WDR27: variants seen among roughly 807,000 people sequenced by gnomAD.
The protein encoded by WDR27 is WD repeat-containing protein 27.
WDR27 carries 100 observed loss-of-function variants against 114.4 expected under a neutral mutation model. That is an observed-to-expected ratio of 0.87 (90% CI 0.74 to 1.03). WDR27 has a LOEUF of 1.03. Among genes scored for constraint, WDR27 ranks in the 50% least tolerant of loss-of-function variants. The pLI is 0.00. For synonymous variants in WDR27, 449 were observed against 423.1 expected, an observed-to-expected ratio of 1.06 and a Z score of -0.75; for missense variants, 1,129 against 1,092.9, an observed-to-expected ratio of 1.03 and a Z score of -0.47.
At chr6:169,486,534 C>T (rs1788931473) in intron 25 of WDR27, among the ~76,000 whole-genome samples, 2 of 152,150 alleles carry the variant, frequency 1.3e-5, no homozygotes, top group Admixed American at 1.3e-4. Context: ...CTCTGTCACC[C>T]AGGCTGGAGT....
intron 13 of WDR27, among the ~76,000 whole-genome samples, chr6:169,654,450 G>A (rs1014536521): frequency 6.6e-6 from 1 of 152,206 alleles, no homozygotes; most frequent in Non-Finnish European, 1.5e-5. Context: ...ACAGTAAAGC[G>A]TATCTGATTA....
chr6:169,459,962 G>A (rs1334881116), intron 25 of WDR27, among the ~76,000 whole-genome samples: 1 of 152,110 alleles, frequency 6.6e-6, no homozygotes, highest in African/African-American at 2.4e-5. Flanking sequence ...ATGTGTACGG[G>A]AGCCCCACAA....
At chr6:169,547,557 A>G (rs918753766) in intron 25 of WDR27, among the ~76,000 whole-genome samples, 1 of 152,200 alleles carries the variant, frequency 6.6e-6, no homozygotes, top group Admixed American at 6.5e-5. Context: ...TCCCATCAAT[A>G]GGCTAAAAAA....
chr6:169,440,960 T>G, the WDR27 span, among the ~76,000 whole-genome samples: 4 of 151,902 alleles, frequency 2.6e-5, 1 homozygote, highest in South Asian at 8.3e-4. Flanking sequence ...AAATTAAATT[T>G]ATTATATTGT....
intron 1 of WDR27, among the ~76,000 whole-genome samples, chr6:169,698,870 A>G (rs1787012405): frequency 1.3e-5 from 2 of 152,234 alleles, no homozygotes; most frequent in African/African-American, 4.8e-5. Context: ...TGTGTAAGCA[A>G]GAGAGAAACA....
intron 23 of WDR27, among the ~76,000 whole-genome samples, chr6:169,586,847 C>CAAAAAAAAAAAAAAAAAAAAAA (rs3029697): frequency 3.1e-5 from 1 of 32,056 alleles, no homozygotes; most frequent in African/African-American, 1.2e-4. Context: ...GACTCTGTCT[C>CAAAAAAAAAAAAAAAAAAAAAA]AAAAAAAAAA....
At chr6:169,670,894 C>T in intron 3 of WDR27, 1 of 633,730 alleles carries the variant, frequency 1.6e-6, no homozygotes. Flanking sequence ...GAATGCAGCA[C>T]TTCCCTGCAG....
At chr6:169,428,847 C>T in the WDR27 span, among the ~76,000 whole-genome samples, 1 of 152,180 alleles carries the variant, frequency 6.6e-6, no homozygotes, top group Non-Finnish European at 1.5e-5. Flanking sequence ...GCTCCTCTTC[C>T]CGTGAAGGAA....
chr6:169,434,672 A>C, the WDR27 span, among the ~76,000 whole-genome samples: 3 of 152,180 alleles, frequency 2.0e-5, no homozygotes, highest in African/African-American at 7.2e-5. Flanking sequence ...CCCTTAGGTT[A>C]TCTGCTGGAA....
intron 25 of WDR27, among the ~76,000 whole-genome samples, chr6:169,474,242 C>A (rs1786829055): frequency 6.6e-6 from 1 of 152,140 alleles, no homozygotes; most frequent in African/African-American, 2.4e-5. Context: ...CAGAAGCAAA[C>A]CTAGAGCTCC....
rs769361916 is a variant in WDR27, at chr6:169,634,428, G to A, written c.2101C>T (p.His701Tyr). 11 of 1,608,762 alleles carry A rather than the reference G, an allele frequency of 6.8e-6. No individual in the cohort carries two copies. Among genetic ancestry groups the A allele is most frequent in the Non-Finnish European group, 8.5e-6 (10 of 1,176,910 alleles). The stretch of plus-strand genomic sequence containing the variant: ...TACCAGGATCCGGGAGAAAGGATAC[G>A]GGAATAAAAGTCGTTGACTGCCGAT... The part of the protein sequence containing the change: ...SLSAVNDFYS[H>Y]IVLAAGRNRT... Residue 701 changes from histidine (H) to tyrosine (Y), a missense_variant and splice_region_variant, in exon 20 of 26, where the codon CAC (histidine) becomes TAC (tyrosine). By Grantham distance (83) the His-to-Tyr change is moderately conservative. Transcript: ENST00000448612.
chr6:169,652,020 C>T lies in WDR27; in HGVS notation c.1403-12G>A. 1 of 1,612,624 alleles carries T rather than the reference C, an allele frequency of 6.2e-7. No individual in the cohort carries two copies. ...GACGTTCCGTGCAGCTGTGGAAAGGCAATTTTAAAGAAGAAACAAACACTT... is the reference window on the plus strand; with the variant it reads ...GACGTTCCGTGCAGCTGTGGAAAGGTAATTTTAAAGAAGAAACAAACACTT... On this transcript the variant is annotated splice_polypyrimidine_tract_variant and intron_variant, in intron 13 of 25. Transcript: ENST00000448612.
At chr6:169,465,926 T>C (rs1295611437) in intron 25 of WDR27, among the ~76,000 whole-genome samples, 2 of 152,116 alleles carry the variant, frequency 1.3e-5, no homozygotes, top group African/African-American at 2.4e-5. Context: ...CAAGATAGAA[T>C]TGTGGAGAGG....
intron 19 of WDR27, among the ~76,000 whole-genome samples, chr6:169,635,369 G>A (rs1464082138): frequency 6.6e-6 from 1 of 152,174 alleles, no homozygotes; most frequent in African/African-American, 2.4e-5. Flanking sequence ...TAGCGACAGA[G>A]TGAGACTCCG....
chr6:169,687,884 T>C (rs1783422636), intron 2 of WDR27, among the ~76,000 whole-genome samples: 1 of 152,174 alleles, frequency 6.6e-6, no homozygotes, highest in Non-Finnish European at 1.5e-5. Context: ...TTCAAACCCA[T>C]GCTGTTCAAG....
At chr6:169,683,705 T>G (rs1053152855) in intron 2 of WDR27, among the ~76,000 whole-genome samples, 4 of 152,162 alleles carry the variant, frequency 2.6e-5, no homozygotes, top group African/African-American at 9.7e-5. Context: ...GGGTCAAATC[T>G]GCCCAGCGTC....
intron 21 of WDR27, among the ~76,000 whole-genome samples, chr6:169,627,026 G>A (rs1236727904): frequency 6.6e-6 from 1 of 152,176 alleles, no homozygotes; most frequent in Non-Finnish European, 1.5e-5. Context: ...GCAGAGTTCT[G>A]ATGTGAAAGG....
At chr6:169,561,400 C>T in intron 25 of WDR27, among the ~76,000 whole-genome samples, 1 of 152,102 alleles carries the variant, frequency 6.6e-6, no homozygotes, top group East Asian at 1.9e-4. Context: ...TAGATCATAA[C>T]ATTGTAAAAG....
intron 25 of WDR27, among the ~76,000 whole-genome samples, chr6:169,511,255 T>C (rs773545533): frequency 1.1e-4 from 17 of 152,168 alleles, no homozygotes; most frequent in Non-Finnish European, 2.1e-4. Flanking sequence ...CAGGCAAATA[T>C]CAAGTGTAAA....
Sources: allele counts gnomAD v4.1 joint callset (sites outside exome capture counted in the v4.1 genomes callset), GRCh38; gene constraint gnomAD v4.1.1; transcripts MANE v1.5; gene names NCBI Gene and HGNC (gene_info 2026-07-23, HGNC 2026-07-21).